NSRP1: variants seen among roughly 807,000 people sequenced by gnomAD.
The protein encoded by NSRP1 is coiled-coil domain containing 55.
NSRP1 carries 24 observed loss-of-function variants against 54.7 expected under a neutral mutation model. That is an observed-to-expected ratio of 0.44 (90% CI 0.32 to 0.62). NSRP1 has a LOEUF of 0.62. NSRP1 is among the 20% of genes least tolerant of loss of function. The probability of loss-of-function intolerance (pLI) is 0.06; values close to 1 mark genes in which losing one functional copy is unlikely to be tolerated. For synonymous variants in NSRP1, 210 were observed against 213.8 expected (o/e 0.98, Z 0.15); for missense variants, 596 against 651.2 (o/e 0.92, Z 0.92).
chr17:30,146,728 C>T lies in NSRP1; in HGVS notation c.115-25814C>T, dbSNP rs552302126. On this transcript the variant is annotated intron_variant, in intron 2 of 6. Coordinates refer to ENST00000247026, the MANE Select transcript of NSRP1 (RefSeq NM_032141.4). Reference sequence around the variant, plus strand: ...TTGGCTCACTGCCACCTCTGCCTCCCGAGTAGCTGGGATTTAGAGGCGTGC... The same window carrying T: ...TTGGCTCACTGCCACCTCTGCCTCCTGAGTAGCTGGGATTTAGAGGCGTGC... 1.9e-4 allele frequency among the ~76,000 whole-genome samples: 29 copies of T among 152,304 alleles called. 1 individual carries two copies. The highest frequency in any genetic ancestry group is 1.7e-3 in the South Asian group (8 of 4,826).
chr17:30,155,989 A>G (rs1435326087), intron 2 of NSRP1, among the ~76,000 whole-genome samples: 1 of 151,500 alleles, frequency 6.6e-6, no homozygotes, highest in African/African-American at 2.4e-5. Context: ...ACAGGCACCT[A>G]CCACCAAACC....
chr17:30,129,971 C>T (rs892615733), intron 2 of NSRP1, among the ~76,000 whole-genome samples: 2 of 152,040 alleles, frequency 1.3e-5, no homozygotes, highest in African/African-American at 4.8e-5. Flanking sequence ...AAAATTTCAT[C>T]CTTAACATAC....
chr17:30,178,266 A>G, intron 4 of NSRP1, 67 bp downstream of exon 4: 3 of 1,532,136 alleles, frequency 2.0e-6, no homozygotes, highest in Non-Finnish European at 2.6e-6. Context: ...ATCTTATTTT[A>G]ACATGAGAAT....
At chr17:30,118,402 A>G (rs891866048) in intron 2 of NSRP1, among the ~76,000 whole-genome samples, 3 of 152,196 alleles carry the variant, frequency 2.0e-5, no homozygotes, top group South Asian at 4.1e-4. Context: ...CGGTCTTTTC[A>G]GACTACTGAA....
chr17:30,126,625 A>T (rs552805503), intron 2 of NSRP1, among the ~76,000 whole-genome samples: 1 of 152,102 alleles, frequency 6.6e-6, no homozygotes, highest in Non-Finnish European at 1.5e-5. Flanking sequence ...GTCTTGTTCT[A>T]TTGCCCAGGC....
intron 6 of NSRP1, among the ~76,000 whole-genome samples, chr17:30,183,742 G>A (rs761360221): frequency 1.3e-5 from 2 of 152,146 alleles, no homozygotes; most frequent in East Asian, 3.8e-4. Flanking sequence ...TAGTATTGTT[G>A]ATTCTAATGG....
chr17:30,175,016 T>C (rs550071923), intron 3 of NSRP1, among the ~76,000 whole-genome samples: 1 of 152,340 alleles, frequency 6.6e-6, no homozygotes, highest in Admixed American at 6.5e-5. Context: ...CCTTATACAA[T>C]GAGCTAATAT....
chr17:30,136,378 C>A (rs1597599554), intron 2 of NSRP1, among the ~76,000 whole-genome samples: 1 of 151,924 alleles, frequency 6.6e-6, no homozygotes, highest in South Asian at 2.1e-4. Context: ...GCATTATAAT[C>A]TCTTTTAATA....
At chr17:30,172,942 AATATATAG>A (rs1335883651) in intron 3 of NSRP1, among the ~76,000 whole-genome samples, 11 of 152,082 alleles carry the variant, frequency 7.2e-5, no homozygotes, top group East Asian at 1.9e-4. Context: ...GATAGATACA[AATATATAG>A]ATATATAGAT....
chr17:30,125,879 AAGTT>A (rs2071645410), intron 2 of NSRP1: 2 of 152,182 alleles, frequency 1.3e-5, no homozygotes, highest in African/African-American at 4.8e-5. Flanking sequence ...TTGTCAGAAT[AAGTT>A]AGAAATAATT....
intron 2 of NSRP1, among the ~76,000 whole-genome samples, chr17:30,142,165 C>G (rs1413532381): frequency 6.6e-6 from 1 of 152,064 alleles, no homozygotes; most frequent in Non-Finnish European, 1.5e-5. Flanking sequence ...CATCTATATC[C>G]TTTCTCACTG....
chr17:30,123,707 C>T (rs2071624716), intron 2 of NSRP1, among the ~76,000 whole-genome samples: 1 of 151,816 alleles, frequency 6.6e-6, no homozygotes. Context: ...GAGTTTAGGT[C>T]TTTCATACAT....
At chr17:30,119,338 A>C (rs897737724) in intron 2 of NSRP1, among the ~76,000 whole-genome samples, 1 of 152,094 alleles carries the variant, frequency 6.6e-6, no homozygotes, top group South Asian at 2.1e-4. Flanking sequence ...CAGCCTCCTG[A>C]GTAGCTGGGA....
rs149854120 is a variant in NSRP1 at position 30,174,933 on chromosome 17, A to T, written c.171+2335A>T. 1.0e-3 allele frequency among the ~76,000 whole-genome samples: 152 copies of T among 152,332 alleles called. 2 individuals are homozygous for T. In the Middle Eastern group the frequency reaches 0.01, roughly 10 times the overall value. On this transcript the variant is annotated intron_variant, in intron 3 of 6. Transcript: ENST00000247026. ...TGCATCATAAGTGAGACTGGGCAGA[A>T]TAGGATGGTTTCCTTTTCTTTCGCT...
chr17:30,132,058 C>G (rs2071704852), intron 2 of NSRP1, among the ~76,000 whole-genome samples: 1 of 151,832 alleles, frequency 6.6e-6, no homozygotes, highest in Admixed American at 6.6e-5. Flanking sequence ...ACCATCCTGG[C>G]TAACATGGTG....
At chr17:30,172,375 A>G (rs952634576) in intron 2 of NSRP1, among the ~76,000 whole-genome samples, 167 bp from the exon 3 acceptor site, 1 of 152,208 alleles carries the variant, frequency 6.6e-6, no homozygotes, top group Non-Finnish European at 1.5e-5. Flanking sequence ...TGCTCATTGG[A>G]GCATCAGATA....
chr17:30,137,951 T>C lies in NSRP1; in HGVS notation c.114+19778T>C, dbSNP rs1051719550. Among the ~76,000 whole-genome samples, 6 of 152,234 alleles carry C rather than the reference T, an allele frequency of 3.9e-5. No individual in the cohort carries two copies. In the South Asian group the frequency reaches 1.2e-3, roughly 32 times the overall value. On this transcript the variant is annotated intron_variant, in intron 2 of 6. Coordinates refer to ENST00000247026, the MANE Select transcript of NSRP1 (RefSeq NM_032141.4). Reference sequence around the variant, plus strand: ...GTTGTTCAACTATTACCATGGTCTATTTTGAGAACTTTTTTATCTTCCCAA... The same window carrying C: ...GTTGTTCAACTATTACCATGGTCTACTTTGAGAACTTTTTTATCTTCCCAA...
intron 2 of NSRP1, among the ~76,000 whole-genome samples, chr17:30,170,827 A>G (rs1567803933): frequency 6.6e-6 from 1 of 152,076 alleles, no homozygotes; most frequent in Non-Finnish European, 1.5e-5. Context: ...TGGTAGTTCT[A>G]TTTTTAATTT....
At position 30,127,062 on chromosome 17, in the gene NSRP1, G is replaced by C. The variant is rs1457493017; in HGVS notation, c.114+8889G>C. ...TAAATTATGAGCATGAGTAATAAAT[G>C]TGTTTTAATAAAATTTTATTTACAA... On this transcript the variant is annotated intron_variant, in intron 2 of 6. Coordinates refer to ENST00000247026, the MANE Select transcript of NSRP1 (RefSeq NM_032141.4). Among the ~76,000 whole-genome samples, 5 of 152,192 alleles carry C rather than the reference G, an allele frequency of 3.3e-5. No individual in the cohort carries two copies. In the East Asian group the frequency reaches 9.6e-4, roughly 29 times the overall value.
Sources: allele counts gnomAD v4.1 joint callset (sites outside exome capture counted in the v4.1 genomes callset), GRCh38; gene constraint gnomAD v4.1.1; transcripts MANE v1.5; gene names NCBI Gene and HGNC (gene_info 2026-07-23, HGNC 2026-07-21).